UNC5D: variants seen among roughly 807,000 people sequenced by gnomAD.
The protein encoded by UNC5D is unc-5 netrin receptor D.
UNC5D carries 39 observed loss-of-function variants against 105.4 expected under a neutral mutation model. That is an observed-to-expected ratio of 0.37 (90% CI 0.29 to 0.48). The LOEUF is 0.48. Ranked by LOEUF, UNC5D falls within the 20% of genes least tolerant of loss-of-function variation. UNC5D has a pLI of 0.98. For synonymous variants in UNC5D, 452 were observed against 450.4 expected (o/e 1.00, Z -0.04); for missense variants, 991 against 1,202.4 (o/e 0.82, Z 2.60).
intron 1 of UNC5D, among the ~76,000 whole-genome samples, chr8:35,299,709 A>T (rs72633532): frequency 5.2e-4 from 79 of 152,332 alleles, no homozygotes; most frequent in Non-Finnish European, 9.8e-4. Context: ...ACAAGTGGAT[A>T]AGATTATTTA....
intron 1 of UNC5D, among the ~76,000 whole-genome samples, chr8:35,247,430 C>T (rs1484839366): frequency 6.9e-6 from 1 of 144,796 alleles, no homozygotes; most frequent in Non-Finnish European, 1.5e-5. Context: ...TAATCTTAAG[C>T]TTTTGTTCCA....
intron 4 of UNC5D, among the ~76,000 whole-genome samples, chr8:35,666,147 G>A (rs780987477): frequency 6.6e-6 from 1 of 151,878 alleles, no homozygotes; most frequent in Non-Finnish European, 1.5e-5. Context: ...GGTGGAATGA[G>A]GGTTGCATGG....
chr8:35,342,685 C>T (rs188754179), intron 1 of UNC5D, among the ~76,000 whole-genome samples: 6 of 152,182 alleles, frequency 3.9e-5, no homozygotes, highest in Non-Finnish European at 7.4e-5. Flanking sequence ...AACCCAGAGT[C>T]TTGGGCACAA....
chr8:35,285,329 A>G (rs959362406), intron 1 of UNC5D, among the ~76,000 whole-genome samples: 1 of 152,220 alleles, frequency 6.6e-6, no homozygotes, highest in Non-Finnish European at 1.5e-5. Context: ...TAGGAGAATT[A>G]TGCCATTCAT....
chr8:35,679,495 G>T (rs1334650894), intron 4 of UNC5D, among the ~76,000 whole-genome samples: 1 of 152,124 alleles, frequency 6.6e-6, no homozygotes, highest in Non-Finnish European at 1.5e-5. Context: ...ACTTTAGAAA[G>T]TTCAAAGGGC....
chr8:35,260,840 A>G (rs1470119527), intron 1 of UNC5D, among the ~76,000 whole-genome samples: 2 of 152,124 alleles, frequency 1.3e-5, no homozygotes, highest in African/African-American at 4.8e-5. Context: ...TGGGTATCCC[A>G]GTGGTTGCAG....
chr8:35,300,612 G>A (rs1807881248), intron 1 of UNC5D, among the ~76,000 whole-genome samples: 1 of 151,524 alleles, frequency 6.6e-6, no homozygotes, highest in Non-Finnish European at 1.5e-5. Context: ...GGAGGAAGAA[G>A]AAAAACTAAC....
At chr8:35,314,079 A>T (rs3115000) in intron 1 of UNC5D, among the ~76,000 whole-genome samples, 124,762 of 152,114 alleles carry the variant, frequency 0.82, 51,622 homozygotes, top group East Asian at 1. Flanking sequence ...TTTCAAAAAA[A>T]TCTAGTTGAA....
intron 3 of UNC5D, among the ~76,000 whole-genome samples, chr8:35,594,532 A>G (rs1819370332): frequency 6.6e-6 from 1 of 152,160 alleles, no homozygotes; most frequent in Admixed American, 6.5e-5. Context: ...ACATTGAGGA[A>G]GACTTGTAAA....
At chr8:35,567,973 A>T in intron 2 of UNC5D, 125 bp from the exon 3 acceptor site, 1 of 1,419,010 alleles carries the variant, frequency 7.0e-7, no homozygotes, top group Non-Finnish European at 9.5e-7. Flanking sequence ...CAAAGTAATT[A>T]AAACCTTGCC....
At chr8:35,311,841 C>T (rs1419523106) in intron 1 of UNC5D, among the ~76,000 whole-genome samples, 1 of 152,074 alleles carries the variant, frequency 6.6e-6, no homozygotes, top group East Asian at 1.9e-4. Flanking sequence ...TGTATTAGGA[C>T]CTCCATGAGA....
chr8:35,586,983 G>A (rs1193691534), intron 3 of UNC5D, among the ~76,000 whole-genome samples: 1 of 152,160 alleles, frequency 6.6e-6, no homozygotes, highest in African/African-American at 2.4e-5. Flanking sequence ...AGGCCAAATA[G>A]GGCATGGGGT....
intron 2 of UNC5D, among the ~76,000 whole-genome samples, chr8:35,551,372 G>C (rs919681362): frequency 1.3e-5 from 2 of 152,184 alleles, no homozygotes; most frequent in Non-Finnish European, 2.9e-5. Flanking sequence ...GTAGGTAGAA[G>C]AGTAGATTTG....
In UNC5D at chr8:35,572,904, C is replaced by T. The variant is rs562206389; in HGVS notation, c.466+4663C>T. Among the ~76,000 whole-genome samples the T allele has an allele frequency of 1.9e-4, 29 of 151,432 alleles. No homozygotes were observed. The East Asian group carries it at 5.1e-3, about 27-fold the overall frequency. On this transcript the variant is annotated intron_variant, in intron 3 of 16. Coordinates refer to ENST00000404895, the MANE Select transcript of UNC5D (RefSeq NM_080872.4). ...CTGCAAGCTCCGCCTCCAGGGTTCA[C>T]GCCATTCTCCTCCCTCAGCCTCCCA...
chr8:35,657,948 G>A lies in UNC5D; in HGVS notation c.571-25599G>A, dbSNP rs76641121. ...TTTAAATGAAGCTTGGAAAAGACAA[G>A]TAGGAATAGAAAGGTTTTAAAGAAT... On this transcript the variant is annotated intron_variant, in intron 4 of 16. Transcript: ENST00000404895. Among the ~76,000 whole-genome samples the A allele has an allele frequency of 5.9e-3, 892 of 152,232 alleles. 3 individuals are homozygous for A. Among genetic ancestry groups the A allele is most frequent in the African/African-American group, 0.021 (863 of 41,550 alleles).
intron 1 of UNC5D, among the ~76,000 whole-genome samples, chr8:35,270,364 A>G (rs968450026): frequency 4.6e-5 from 7 of 152,172 alleles, no homozygotes; most frequent in Admixed American, 1.3e-4. Flanking sequence ...ACACTCATGT[A>G]GCTGATTTAA....
At chr8:35,704,960 CTTTTTTTTT>C (rs1001514087) in intron 7 of UNC5D, among the ~76,000 whole-genome samples, 1 of 115,594 alleles carries the variant, frequency 8.7e-6, no homozygotes, top group Non-Finnish European at 1.7e-5. Flanking sequence ...TGCTGAATGC[CTTTTTTTTT>C]TTTTTTTTTT....
intron 3 of UNC5D, 59 bp downstream of exon 3, chr8:35,568,300 T>A: frequency 6.3e-7 from 1 of 1,576,298 alleles, no homozygotes. Context: ...TAAATAGAGC[T>A]GAAGAGAGGT....
intron 14 of UNC5D, among the ~76,000 whole-genome samples, chr8:35,759,764 T>C (rs1427262393): frequency 2.0e-5 from 3 of 152,138 alleles, no homozygotes; most frequent in African/African-American, 7.2e-5. Flanking sequence ...AGTTTAACAA[T>C]ATAGAGCCAG....
Sources: gnomAD v4.1 joint callset for allele counts (sites outside exome capture counted in the v4.1 genomes callset) on GRCh38, gnomAD v4.1.1 for gene constraint, MANE v1.5 for transcripts, NCBI Gene and HGNC (gene_info 2026-07-23, HGNC 2026-07-21) for gene names.